The following DNAH3 variants were observed in gnomAD, a reference collection of about 807,000 sequenced individuals.
DNAH3 encodes the protein axonemal beta dynein heavy chain 3.
A neutral mutation model predicts 432.5 loss-of-function variants in DNAH3; 332 were observed. The ratio of observed to expected loss-of-function variants is 0.77; its 90% CI spans 0.70 to 0.84. DNAH3 has a LOEUF of 0.84. Ranked by LOEUF, DNAH3 falls within the 40% of genes least tolerant of loss-of-function variation. DNAH3 has a pLI of 0.00. For synonymous variants in DNAH3, 1,956 were observed against 1,900.2 expected (o/e 1.03, Z -0.76); for missense variants, 4,861 against 5,114.0 (o/e 0.95, Z 1.51).
At chr16:21,095,364 A>G (rs1479993470) in intron 18 of DNAH3, among the ~76,000 whole-genome samples, 1 of 152,226 alleles carries the variant, frequency 6.6e-6, no homozygotes, top group Non-Finnish European at 1.5e-5. Flanking sequence ...ACTCGCAATA[A>G]AAGGAAATGA....
chr16:21,140,769 G>A (rs934135629), intron 4 of DNAH3, 59 bp from the exon 6 acceptor site: 1 of 1,539,212 alleles, frequency 6.5e-7, no homozygotes, highest in Non-Finnish European at 8.9e-7. Flanking sequence ...GTGCTGTGGT[G>A]TTGCCTACTT....
intron 58 of DNAH3, 35 bp from the exon 59 acceptor site, chr16:20,941,578 G>A: frequency 1.2e-6 from 2 of 1,612,012 alleles, no homozygotes; most frequent in African/African-American, 2.7e-5. Context: ...TGAGTGAGAA[G>A]CAAGCCCTAC....
intron 39 of DNAH3, among the ~76,000 whole-genome samples, chr16:21,024,024 G>A (rs541763674): frequency 6.6e-6 from 1 of 152,160 alleles, no homozygotes; most frequent in South Asian, 2.1e-4. Context: ...CACAGACACC[G>A]CTACTCCCTT....
At chr16:20,989,839 G>A (rs1567597808) in intron 44 of DNAH3, among the ~76,000 whole-genome samples, 1 of 152,238 alleles carries the variant, frequency 6.6e-6, no homozygotes, top group African/African-American at 2.4e-5. Context: ...CCGGTGGGCT[G>A]GCACTGCTGG....
At chr16:21,144,876 C>T (rs879427933) in intron 3 of DNAH3, among the ~76,000 whole-genome samples, 5 of 151,828 alleles carry the variant, frequency 3.3e-5, no homozygotes, top group Non-Finnish European at 4.4e-5. Flanking sequence ...CCAGCACTTT[C>T]GGAGGTTGAG....
intron 44 of DNAH3, among the ~76,000 whole-genome samples, chr16:20,988,996 G>C (rs528968149): frequency 2.6e-5 from 4 of 152,204 alleles, no homozygotes; most frequent in African/African-American, 9.7e-5. Flanking sequence ...AGACTTTCGC[G>C]GGGAGTGTTA....
At chr16:20,955,922 ATTTTAT>A (rs916797353) in intron 54 of DNAH3, among the ~76,000 whole-genome samples, 1 of 150,410 alleles carries the variant, frequency 6.6e-6, no homozygotes, top group Non-Finnish European at 1.5e-5. Flanking sequence ...TTTTTATCTT[ATTTTAT>A]TTTTATTTTC....
intron 20 of DNAH3, among the ~76,000 whole-genome samples, chr16:21,080,310 G>GATAAA (rs1367563706): frequency 6.6e-6 from 1 of 151,646 alleles, no homozygotes; most frequent in Admixed American, 6.6e-5. Flanking sequence ...AATAAAATAA[G>GATAAA]ATAAAATAAA....
exon 54 of DNAH3, chr16:20,959,247 G>C (rs1374837182): frequency 1.2e-6 from 2 of 1,614,082 alleles, no homozygotes; most frequent in Admixed American, 1.7e-5. Context: ...TAGGCATCCA[G>C]CTTGCGGCCA....
chr16:20,979,410 T>C lies in DNAH3; in HGVS notation c.7996A>G (p.Asn2666Asp), dbSNP rs745407857. 8 of 1,614,042 alleles carry C rather than the reference T, an allele frequency of 5.0e-6. No individual in the cohort carries two copies. In the Admixed American group the frequency reaches 1.2e-4, roughly 24 times the overall value. The change falls in exon 50 of 62, where the codon AAT (asparagine) becomes GAT (aspartate). Residue 2666 changes from asparagine (N) to aspartate (D), a missense_variant. By Grantham distance (23) the Asn-to-Asp change is conservative. Coordinates refer to ENST00000261383, the Ensembl canonical transcript of DNAH3. ...ATAGCCACCTCTTGCCTCTTGCTAT[T>C]CAGGAGCGTCTTGAAGGTTAGAATC...
intron 59 of DNAH3, among the ~76,000 whole-genome samples, chr16:20,940,556 T>C (rs2083767344): frequency 6.6e-6 from 1 of 150,386 alleles, no homozygotes; most frequent in African/African-American, 2.4e-5. Flanking sequence ...CCCTCCCAAG[T>C]AGCTGGGACT....
chr16:20,964,959 C>G, exon 53 of DNAH3: 1 of 1,614,142 alleles, frequency 6.2e-7, no homozygotes, highest in Non-Finnish European at 8.5e-7. Context: ...CCTTCTCTCC[C>G]CCAAGACCAC....
intron 58 of DNAH3, among the ~76,000 whole-genome samples, chr16:20,942,713 C>T (rs928450494): frequency 3.9e-5 from 6 of 152,066 alleles, no homozygotes; most frequent in African/African-American, 7.2e-5. Context: ...GCCTGGAAGC[C>T]GGTCACTTTC....
At chr16:20,965,232 C>T (rs775187070) in exon 53 of DNAH3, 1 of 1,613,484 alleles carries the variant, frequency 6.2e-7, no homozygotes, top group East Asian at 2.2e-5. Flanking sequence ...CCCACTTGCA[C>T]AGACCCTCGC....
At chr16:20,970,343 G>A (rs2085281762) in intron 51 of DNAH3, among the ~76,000 whole-genome samples, 1 of 152,146 alleles carries the variant, frequency 6.6e-6, no homozygotes, top group Admixed American at 6.6e-5. Context: ...GGCCAACATG[G>A]CAAAACCCTG....
chr16:21,049,368 A>G (rs2089858128), intron 31 of DNAH3, among the ~76,000 whole-genome samples: 1 of 152,156 alleles, frequency 6.6e-6, no homozygotes, highest in South Asian at 2.1e-4. Flanking sequence ...AATTAATATG[A>G]TGGGGAGATG....
At chr16:20,953,974 T>C (rs981980579) in intron 55 of DNAH3, among the ~76,000 whole-genome samples, 1 of 152,108 alleles carries the variant, frequency 6.6e-6, no homozygotes, top group Non-Finnish European at 1.5e-5. Flanking sequence ...CGTTGTAGTG[T>C]ATGTCAGAAT....
chr16:21,016,989 C>T (rs750415933), intron 41 of DNAH3, among the ~76,000 whole-genome samples: 1 of 151,780 alleles, frequency 6.6e-6, no homozygotes, highest in Non-Finnish European at 1.5e-5. Context: ...TGGTTATTTC[C>T]AGGGTAGGGG....
intron 48 of DNAH3, 108 bp downstream of exon 48, chr16:20,984,941 G>A: frequency 2.0e-6 from 2 of 982,494 alleles, no homozygotes; most frequent in Non-Finnish European, 3.0e-6. Flanking sequence ...CTGGTGCGTT[G>A]GCTGAATCAA....
Sources: gnomAD v4.1 joint callset for allele counts (sites outside exome capture counted in the v4.1 genomes callset) on GRCh38, gnomAD v4.1.1 for gene constraint, MANE v1.5 for transcripts, NCBI Gene and HGNC (gene_info 2026-07-23, HGNC 2026-07-21) for gene names.